PBX4: variants seen among roughly 807,000 people sequenced by gnomAD.
PBX4 encodes pre-B-cell leukemia transcription factor 4.
Under a neutral mutation model 35.1 loss-of-function variants are expected in PBX4, and 26 were observed. The ratio of observed to expected loss-of-function variants is 0.74; its 90% CI spans 0.54 to 1.03. PBX4 has a LOEUF of 1.03. Ranked by LOEUF, PBX4 falls within the 50% of genes least tolerant of loss-of-function variation. The probability of loss-of-function intolerance (pLI) is 0.00; values close to 1 mark genes in which losing one functional copy is unlikely to be tolerated. For missense variants in PBX4, 448 were observed against 504.3 expected (o/e 0.89, Z 1.07); for synonymous variants, 199 against 204.2 (o/e 0.97, Z 0.22).
chr19:19,601,151 G>GT (rs2061595166), intron 1 of PBX4, among the ~76,000 whole-genome samples: 1 of 152,224 alleles, frequency 6.6e-6, no homozygotes. Context: ...GACAGTGATG[G>GT]TTAGAAGGCT....
intron 5 of PBX4, among the ~76,000 whole-genome samples, chr19:19,567,386 C>G (rs1164389490): frequency 3.9e-5 from 6 of 152,192 alleles, no homozygotes; most frequent in Admixed American, 3.9e-4. Context: ...TGCTCTCTGT[C>G]ACAGAGACTT....
chr19:19,586,484 G>GT (rs2061489858), intron 2 of PBX4, among the ~76,000 whole-genome samples: 1 of 152,088 alleles, frequency 6.6e-6, no homozygotes. Context: ...GTTTAGGCTT[G>GT]TTTTTCTGTG....
intron 2 of PBX4, among the ~76,000 whole-genome samples, chr19:19,582,960 C>A (rs2061465135): frequency 6.6e-6 from 1 of 152,270 alleles, no homozygotes; most frequent in Non-Finnish European, 1.5e-5. Flanking sequence ...AGGGAACACT[C>A]CTGTTTCACC....
chr19:19,581,815 G>A (rs961545937), intron 2 of PBX4, among the ~76,000 whole-genome samples: 1 of 152,168 alleles, frequency 6.6e-6, no homozygotes, highest in Non-Finnish European at 1.5e-5. Flanking sequence ...GACTGGATAA[G>A]GTTATTGGCC....
At chr19:19,568,718 ACT>A (rs767502572) in intron 5 of PBX4, among the ~76,000 whole-genome samples, 1 of 149,914 alleles carries the variant, frequency 6.7e-6, no homozygotes, top group African/African-American at 2.5e-5. Context: ...GGGAGCTCAC[ACT>A]CTGTCTGTAT....
chr19:19,577,585 G>GAA (rs1784655744), intron 2 of PBX4, among the ~76,000 whole-genome samples: 1 of 152,096 alleles, frequency 6.6e-6, no homozygotes, highest in Admixed American at 6.6e-5. Context: ...ACACATTTTT[G>GAA]GCCGGGCTTG....
At chr19:19,607,673 A>G (rs532180934) in intron 1 of PBX4, among the ~76,000 whole-genome samples, 81 of 152,352 alleles carry the variant, frequency 5.3e-4, no homozygotes, top group Non-Finnish European at 1.0e-3. Context: ...GCTAAGGAAC[A>G]TGAAAATGAA....
intron 2 of PBX4, among the ~76,000 whole-genome samples, chr19:19,594,099 A>C (rs1599367861): frequency 7.4e-6 from 1 of 134,388 alleles, no homozygotes; most frequent in East Asian, 2.2e-4. Flanking sequence ...AAAAAAAAAA[A>C]TAAAAAATAA....
chr19:19,600,279 C>T (rs372104128), intron 1 of PBX4, among the ~76,000 whole-genome samples: 24 of 151,964 alleles, frequency 1.6e-4, no homozygotes, highest in African/African-American at 4.1e-4. Flanking sequence ...GTAATCTCAA[C>T]GCTTTGGGAG....
At chr19:19,584,623 G>GTTTTT (rs34113731) in intron 2 of PBX4, among the ~76,000 whole-genome samples, 3 of 132,120 alleles carry the variant, frequency 2.3e-5, no homozygotes, top group African/African-American at 5.6e-5. Flanking sequence ...CCAAGGGCTG[G>GTTTTT]TTTTTTTTTT....
chr19:19,570,636 G>C lies in PBX4; in HGVS notation c.391C>G (p.Leu131Val), dbSNP rs1001314143. 4.3e-6 allele frequency: 7 copies of C among 1,614,200 alleles called. No individual in the cohort carries two copies. Among genetic ancestry groups the C allele is most frequent in the Non-Finnish European group, 5.1e-6 (6 of 1,180,038 alleles). Residue 131 changes from leucine (L) to valine (V), a missense_variant, in exon 3 of 8, where the codon CTG becomes GTG. Physicochemically the swap from Leu to Val is conservative, Grantham distance 32. Coordinates refer to ENST00000251203, the MANE Select transcript of PBX4 (RefSeq NM_025245.3). ...TGGTAAATCTGTCGGATCTGGGACAGCTTGGCCCTGTAGTCAGAGTGCTCA... is the reference window on the plus strand; with the variant it reads ...TGGTAAATCTGTCGGATCTGGGACACCTTGGCCCTGTAGTCAGAGTGCTCA... ...SIEHSDYRAK[L>V]SQIRQIYHSE...
At position 19,563,597 on chromosome 19, in the gene PBX4, G is replaced by A. The variant is rs1037751245; in HGVS notation, c.944C>T (p.Pro315Leu). The A allele has an allele frequency of 3.1e-5, 48 of 1,549,766 alleles. No individual in the cohort carries two copies. The highest frequency in any genetic ancestry group is 3.7e-5 in the Non-Finnish European group (42 of 1,146,994). ...GAAGGCGTCCCCAGCGCTGGGCAGCGGGAAGGGTCCAGAGGAGCCTGGAAG... is the reference window on the plus strand; with the variant it reads ...GAAGGCGTCCCCAGCGCTGGGCAGCAGGAAGGGTCCAGAGGAGCCTGGAAG... ...TPSSGSSGPFPLPSAGDAFLT... is the reference protein window; with the variant it reads ...TPSSGSSGPFLLPSAGDAFLT... Residue 315 changes from proline (P) to leucine (L), a missense_variant, in exon 7 of 8, where the codon CCG becomes CTG. Coordinates refer to ENST00000251203, the MANE Select transcript of PBX4 (RefSeq NM_025245.3). The surrounding 1 kb of genome is among the most constrained non-coding windows in gnomAD (Gnocchi z 5.1).
At chr19:19,604,632 GCT>G (rs2061618746) in intron 1 of PBX4, among the ~76,000 whole-genome samples, 1 of 150,990 alleles carries the variant, frequency 6.6e-6, no homozygotes, top group South Asian at 2.1e-4. Context: ...ATGGAGTCTC[GCT>G]CTGTCACCCA....
intron 1 of PBX4, among the ~76,000 whole-genome samples, chr19:19,611,366 G>A (rs969036185): frequency 8.5e-5 from 13 of 152,162 alleles, no homozygotes; most frequent in Non-Finnish European, 1.6e-4. Context: ...ACTAGTTGAG[G>A]TCATAATAGT....
intron 1 of PBX4, among the ~76,000 whole-genome samples, chr19:19,600,338 G>A (rs1221293745): frequency 1.3e-5 from 2 of 151,966 alleles, no homozygotes; most frequent in African/African-American, 2.4e-5. Context: ...ATCGGCCTGG[G>A]CAACATGGTG....
At chr19:19,572,275 A>G (rs929540919) in intron 2 of PBX4, among the ~76,000 whole-genome samples, 6 of 150,908 alleles carry the variant, frequency 4.0e-5, no homozygotes, top group Non-Finnish European at 8.8e-5. Context: ...AGGTTTCACT[A>G]TGTTGGCCAG....
intron 2 of PBX4, among the ~76,000 whole-genome samples, chr19:19,597,880 T>C (rs906328706): frequency 6.6e-6 from 1 of 152,196 alleles, no homozygotes; most frequent in Admixed American, 6.6e-5. Flanking sequence ...CCTGACACAA[T>C]GTGCTGAGGA....
At chr19:19,567,297 C>A (rs2061348709) in intron 5 of PBX4, among the ~76,000 whole-genome samples, 1 of 152,226 alleles carries the variant, frequency 6.6e-6, no homozygotes, top group Non-Finnish European at 1.5e-5. Flanking sequence ...GACACCACAG[C>A]AGATCCCGAT....
At chr19:19,605,959 T>G (rs1485256287) in intron 1 of PBX4, among the ~76,000 whole-genome samples, 16 of 151,838 alleles carry the variant, frequency 1.1e-4, no homozygotes, top group Admixed American at 9.9e-4. Flanking sequence ...TGGCTTACTA[T>G]GAAAAGAAAA....
Sources: gnomAD v4.1 joint callset for allele counts (sites outside exome capture counted in the v4.1 genomes callset) on GRCh38, gnomAD v4.1.1 for gene constraint, Gnocchi (gnomAD v3.1) non-coding constraint, MANE v1.5 for transcripts, NCBI Gene and HGNC (gene_info 2026-07-23, HGNC 2026-07-21) for gene names.